Variants in MSANTD5 observed in about 807,000 individuals in gnomAD.
MSANTD5 encodes uncharacterized protein MSANTD5.
At chr5:178,699,630 T>C (rs1765455520), upstream of MSANTD5, among the ~76,000 whole-genome samples, 1 of 152,160 alleles carries the variant, frequency 6.6e-6, no homozygotes. Context: ...AGGCTGGTCT[T>C]GAACTCCCGG....
At chr5:178,697,068 A>G (rs1159473475) in intron 1 of MSANTD5, among the ~76,000 whole-genome samples, 1 of 152,146 alleles carries the variant, frequency 6.6e-6, no homozygotes, top group Non-Finnish European at 1.5e-5. Context: ...CACAGACTGA[A>G]GTTTCTTCCC....
downstream of MSANTD5, among the ~76,000 whole-genome samples, chr5:178,691,671 A>G (rs543348041): frequency 7.3e-6 from 1 of 136,656 alleles, no homozygotes; most frequent in South Asian, 2.3e-4. Context: ...TCTAGAATAT[A>G]TTTTAAAAAA....
downstream of MSANTD5, among the ~76,000 whole-genome samples, chr5:178,692,442 A>G (rs1226266108): frequency 6.6e-6 from 1 of 151,882 alleles, no homozygotes; most frequent in East Asian, 1.9e-4. Context: ...ACCCCTGGGT[A>G]TTTATCCCAA....
At chr5:178,703,527 T>C in the MSANTD5 span, among the ~76,000 whole-genome samples, 1 of 152,136 alleles carries the variant, frequency 6.6e-6, no homozygotes, top group Non-Finnish European at 1.5e-5. Flanking sequence ...TTCAACATTA[T>C]GAGAGAAGAG....
chr5:178,699,316 G>A (rs1407974328), upstream of MSANTD5, among the ~76,000 whole-genome samples: 1 of 152,138 alleles, frequency 6.6e-6, no homozygotes, highest in African/African-American at 2.4e-5. Context: ...GCTATAAATG[G>A]CAACTGTATC....
upstream of MSANTD5, among the ~76,000 whole-genome samples, chr5:178,700,046 C>A (rs1765460520): frequency 6.6e-6 from 1 of 152,182 alleles, no homozygotes; most frequent in African/African-American, 2.4e-5. Context: ...ACACACTGGG[C>A]ACTGTGTGGC....
chr5:178,702,082 TA>T (rs776552032), upstream of MSANTD5, among the ~76,000 whole-genome samples: 2,112 of 137,436 alleles, frequency 0.015, 50 homozygotes, highest in African/African-American at 0.049. Flanking sequence ...CTGGATTAAC[TA>T]AAAAAAAAAA....
At chr5:178,696,524 C>T (rs1765414942) in intron 1 of MSANTD5, among the ~76,000 whole-genome samples, 4 of 152,058 alleles carry the variant, frequency 2.6e-5, no homozygotes, top group Admixed American at 2.6e-4. Context: ...CTGCGACCAG[C>T]CCCCCTTGTA....
At chr5:178,698,094 C>T (rs899956496), upstream of MSANTD5, among the ~76,000 whole-genome samples, 5 of 151,942 alleles carry the variant, frequency 3.3e-5, no homozygotes, top group African/African-American at 4.8e-5. Context: ...GGATTAATTG[C>T]GATGTAAGGA....
chr5:178,699,717 C>T (rs1188425326), upstream of MSANTD5, among the ~76,000 whole-genome samples: 1 of 152,176 alleles, frequency 6.6e-6, no homozygotes, highest in Non-Finnish European at 1.5e-5. Flanking sequence ...AGCCTGATAC[C>T]TTATTTTCTA....
At chr5:178,705,463 G>A in the MSANTD5 span, among the ~76,000 whole-genome samples, 1 of 152,134 alleles carries the variant, frequency 6.6e-6, no homozygotes, top group African/African-American at 2.4e-5. Context: ...TGCAAAAAAG[G>A]AGAACTTATA....
chr5:178,706,625 C>T, the MSANTD5 span, among the ~76,000 whole-genome samples: 2 of 151,954 alleles, frequency 1.3e-5, no homozygotes, highest in Admixed American at 1.3e-4. Flanking sequence ...ACAGTTTCCT[C>T]TCCCTTAGGT....
intron 1 of MSANTD5, among the ~76,000 whole-genome samples, chr5:178,697,081 A>G (rs1765420218): frequency 6.6e-6 from 1 of 152,142 alleles, no homozygotes; most frequent in Non-Finnish European, 1.5e-5. Flanking sequence ...TTCTTCCCAT[A>G]CCAACTAACA....
At chr5:178,697,258 T>G (rs931227525) in intron 1 of MSANTD5, among the ~76,000 whole-genome samples, 13 of 149,328 alleles carry the variant, frequency 8.7e-5, no homozygotes, top group African/African-American at 3.2e-4. Flanking sequence ...ATCGAGACCA[T>G]CCTGGCTAAC....
At chr5:178,691,845 C>T (rs1182662758), downstream of MSANTD5, among the ~76,000 whole-genome samples, 1 of 135,806 alleles carries the variant, frequency 7.4e-6, no homozygotes, top group Non-Finnish European at 1.7e-5. Flanking sequence ...GTAGATATCA[C>T]CGCTTTGTCA....
At chr5:178,704,674 C>T in the MSANTD5 span, among the ~76,000 whole-genome samples, 4 of 152,110 alleles carry the variant, frequency 2.6e-5, no homozygotes, top group Admixed American at 6.6e-5. Context: ...TCAGAAATTG[C>T]GGATGTCTAC....
At chr5:178,697,386 G>A (rs1220066800) in intron 1 of MSANTD5, among the ~76,000 whole-genome samples, 200 bp downstream of exon 1, 23 of 152,096 alleles carry the variant, frequency 1.5e-4, no homozygotes, top group African/African-American at 3.9e-4. Flanking sequence ...CCCGGGAGGC[G>A]GAGGTTGCAG....
downstream of MSANTD5, among the ~76,000 whole-genome samples, chr5:178,693,376 A>G (rs111524789): frequency 2.6e-3 from 398 of 152,122 alleles, 3 homozygotes; most frequent in Non-Finnish European, 3.6e-3. Flanking sequence ...CACTGACTTC[A>G]AGAATGAAGC....
upstream of MSANTD5, among the ~76,000 whole-genome samples, chr5:178,700,141 G>T (rs547019956): frequency 6.6e-6 from 1 of 152,056 alleles, no homozygotes; most frequent in Non-Finnish European, 1.5e-5. Flanking sequence ...GGCCCCCGTC[G>T]CCCTGGGCAT....
Sources: gnomAD v4.1 joint callset for allele counts (sites outside exome capture counted in the v4.1 genomes callset) on GRCh38, gnomAD v4.1.1 for gene constraint, MANE v1.5 for transcripts, NCBI Gene and HGNC (gene_info 2026-07-23, HGNC 2026-07-21) for gene names.